SV2C: variants seen among roughly 807,000 people sequenced by gnomAD.
SV2C encodes the protein solute carrier family 22 member B3.
SV2C carries 49 observed loss-of-function variants against 79.7 expected under a neutral mutation model. That is an observed-to-expected ratio of 0.61 (90% CI 0.49 to 0.78). The LOEUF (loss-of-function observed/expected upper bound fraction) is 0.78. Among genes scored for constraint, SV2C ranks in the 30% least tolerant of loss-of-function variants. SV2C has a pLI of 0.00. For synonymous variants in SV2C, 334 were observed against 333.2 expected (o/e 1.00, Z -0.03); for missense variants, 833 against 912.9 (o/e 0.91, Z 1.13).
chr5:76,084,069 CAA>C (rs2112080519), intron 1 of SV2C: 1 of 152,410 alleles, frequency 6.6e-6, no homozygotes, highest in South Asian at 2.1e-4. Context: ...CATGAATTTT[CAA>C]ACTCTCCCAC....
chr5:75,881,080 C>A, the SV2C span, among the ~76,000 whole-genome samples: 3 of 152,084 alleles, frequency 2.0e-5, no homozygotes, highest in Non-Finnish European at 2.9e-5. Context: ...GAACTCAGAG[C>A]AAGTACTCTC....
At chr5:75,939,931 C>A in the SV2C span, among the ~76,000 whole-genome samples, 1 of 152,164 alleles carries the variant, frequency 6.6e-6, no homozygotes, top group African/African-American at 2.4e-5. Context: ...TTTCCAGCAA[C>A]CCTTCCCTTG....
At chr5:75,852,545 A>G in the SV2C span, among the ~76,000 whole-genome samples, 1 of 152,236 alleles carries the variant, frequency 6.6e-6, no homozygotes, top group Non-Finnish European at 1.5e-5. Flanking sequence ...CTATAATTTC[A>G]TATGTAGTAA....
chr5:76,242,332 G>A (rs1463856353), intron 4 of SV2C: 7 of 1,439,134 alleles, frequency 4.9e-6, no homozygotes, highest in African/African-American at 1.4e-5. Context: ...ATAGGTGCTG[G>A]ACGCGGGACG....
chr5:76,055,524 A>G, the SV2C span, among the ~76,000 whole-genome samples: 6 of 152,136 alleles, frequency 3.9e-5, no homozygotes, highest in African/African-American at 1.2e-4. Context: ...GATTTTTCTA[A>G]TTCTTTGAAG....
intron 6 of SV2C, among the ~76,000 whole-genome samples, chr5:76,287,396 A>G (rs1261577343): frequency 6.6e-6 from 1 of 152,208 alleles, no homozygotes. Context: ...TTCCAAAAAT[A>G]TATATTTCAT....
the SV2C span, among the ~76,000 whole-genome samples, chr5:75,875,559 A>G: frequency 6.6e-6 from 1 of 152,242 alleles, no homozygotes; most frequent in Admixed American, 6.5e-5. Context: ...AGTAATTGCA[A>G]GAAAAGCAAA....
At chr5:76,046,254 A>G in the SV2C span, among the ~76,000 whole-genome samples, 11 of 151,992 alleles carry the variant, frequency 7.2e-5, no homozygotes, top group Admixed American at 5.2e-4. Flanking sequence ...TTTGATCTTT[A>G]TAATCCAAAG....
At position 76,330,324 on chromosome 5, in the gene SV2C, C is replaced by G. The variant is rs1318510502; in HGVS notation, c.*4777C>G. 2.0e-5 allele frequency: 3 copies of G among 152,146 alleles called. No homozygotes were observed. In the East Asian group the frequency reaches 5.8e-4, roughly 29 times the overall value. The allele number at this position is 152,146 out of a possible 1,614,324, so 9.4% of individuals were successfully genotyped here. A position where few individuals can be genotyped will look rare whatever the true frequency, so the allele number is the denominator to read the frequency against. ...TACAGTTTATGGGTCTGTTTCAGCT[C>G]TTACTTAAGGCTAGCATGGTTGGGC... On this transcript the variant is annotated 3_prime_UTR_variant, in exon 13 of 13. Coordinates refer to ENST00000502798, the MANE Select transcript of SV2C (RefSeq NM_014979.4).
At chr5:76,061,268 TAAA>T in the SV2C span, among the ~76,000 whole-genome samples, 1 of 51,612 alleles carries the variant, frequency 1.9e-5, no homozygotes, top group African/African-American at 8.9e-5. Flanking sequence ...CTTCAATTTG[TAAA>T]AAAAAAAAAA....
At chr5:76,075,865 C>T in the SV2C span, 3 of 223,438 alleles carry the variant, frequency 1.3e-5, no homozygotes, top group East Asian at 3.3e-4. Context: ...ATTATTTGCA[C>T]ATAGCAATTA....
intron 2 of SV2C, among the ~76,000 whole-genome samples, chr5:76,155,339 A>C (rs142481493): frequency 6.6e-6 from 1 of 152,194 alleles, no homozygotes; most frequent in African/African-American, 2.4e-5. Flanking sequence ...CTCAGTTACA[A>C]AGGTGAGAGC....
At chr5:76,338,489 T>C (rs1027301451), downstream of SV2C, among the ~76,000 whole-genome samples, 1 of 152,200 alleles carries the variant, frequency 6.6e-6, no homozygotes, top group Non-Finnish European at 1.5e-5. Flanking sequence ...AAGTGATGTA[T>C]AAGTTGCCCC....
the SV2C span, among the ~76,000 whole-genome samples, chr5:75,988,546 T>C: frequency 6.6e-6 from 1 of 151,982 alleles, no homozygotes; most frequent in Non-Finnish European, 1.5e-5. Context: ...CAGTCATGCC[T>C]GTCATCACTT....
Position 76,329,997 on chromosome 5 carries a change from A to G in SV2C, c.*4450A>G, listed in dbSNP as rs913309563. The G allele has an allele frequency of 2.6e-5, 4 of 151,622 alleles. No homozygotes were observed. The highest frequency in any genetic ancestry group is 9.7e-5 in the African/African-American group (4 of 41,212). 9.4% of individuals were successfully genotyped at this position (151,622 alleles called of 1,614,324 possible). A position where few individuals can be genotyped will look rare whatever the true frequency, so the allele number is the denominator to read the frequency against. ...CTGAAGTGGACTATATGTTTCTCACAGTTTTTGTTTATGCTCAGCAAAGTA... is the reference window on the plus strand; with the variant it reads ...CTGAAGTGGACTATATGTTTCTCACGGTTTTTGTTTATGCTCAGCAAAGTA... On this transcript the variant is annotated 3_prime_UTR_variant, in exon 13 of 13. Coordinates refer to ENST00000502798, the MANE Select transcript of SV2C (RefSeq NM_014979.4).
chr5:76,155,150 T>C (rs1231546635), intron 2 of SV2C, among the ~76,000 whole-genome samples: 3 of 152,218 alleles, frequency 2.0e-5, no homozygotes, highest in Non-Finnish European at 4.4e-5. Context: ...TCTAGCCTTC[T>C]GTCTTCTAAG....
chr5:76,005,358 C>T, the SV2C span, among the ~76,000 whole-genome samples: 1 of 152,326 alleles, frequency 6.6e-6, no homozygotes, highest in African/African-American at 2.4e-5. Flanking sequence ...ATTTATCTTT[C>T]CAAAATAATT....
chr5:75,996,510 A>G, the SV2C span, among the ~76,000 whole-genome samples: 3 of 152,136 alleles, frequency 2.0e-5, no homozygotes, highest in Admixed American at 6.6e-5. Flanking sequence ...GTTTTTTCCA[A>G]TTCTGTGAAG....
chr5:76,068,705 T>C, the SV2C span, among the ~76,000 whole-genome samples: 8 of 152,162 alleles, frequency 5.3e-5, no homozygotes, highest in Non-Finnish European at 4.4e-5. Context: ...CCAAGAAGAA[T>C]GAAAGAGGTT....
Sources: allele counts gnomAD v4.1 joint callset (sites outside exome capture counted in the v4.1 genomes callset), GRCh38; gene constraint gnomAD v4.1.1; transcripts MANE v1.5; gene names NCBI Gene and HGNC (gene_info 2026-07-23, HGNC 2026-07-21).